Variants in CREB3L2 observed in about 807,000 individuals in gnomAD.
CREB3L2 encodes cyclic AMP-responsive element-binding protein 3-like protein 2.
A neutral mutation model predicts 57.2 loss-of-function variants in CREB3L2; 23 were observed. The observed-to-expected ratio is 0.40, with a 90% CI of 0.29 to 0.57. The LOEUF (loss-of-function observed/expected upper bound fraction) is 0.57. Ranked by LOEUF, CREB3L2 falls within the 20% of genes least tolerant of loss-of-function variation. The pLI is 0.42. For missense variants in CREB3L2, 628 were observed against 634.7 expected, an observed-to-expected ratio of 0.99 and a Z score of 0.11; for synonymous variants, 268 against 265.1, an observed-to-expected ratio of 1.01 and a Z score of -0.11.
intron 1 of CREB3L2, chr7:137,953,265 T>C: frequency 1.4e-5 from 5 of 361,196 alleles, no homozygotes; most frequent in Non-Finnish European, 2.7e-5. Flanking sequence ...TTATGTTAAG[T>C]GGGATTAGCT....
Position 137,877,531 on chromosome 7 carries a change from G to A in CREB3L2, c.*2945C>T, listed in dbSNP as rs1799185446. The A allele has an allele frequency of 8.8e-6, 2 of 226,180 alleles. No individual in the cohort carries two copies. Among genetic ancestry groups the A allele is most frequent in the Non-Finnish European group, 1.8e-5 (2 of 113,788 alleles). 14.0% of individuals were successfully genotyped at this position (226,180 alleles called of 1,614,324 possible). On this transcript the variant is annotated 3_prime_UTR_variant, in exon 12 of 12. Transcript: ENST00000330387. ...GAAAAGAACCACGGTGGGGGGTCTGGGTTACTCAGGTCTTATCCAGTGAAA... is the reference window on the plus strand; with the variant it reads ...GAAAAGAACCACGGTGGGGGGTCTGAGTTACTCAGGTCTTATCCAGTGAAA...
intron 1 of CREB3L2, among the ~76,000 whole-genome samples, chr7:137,954,296 A>G (rs1473762514): frequency 6.6e-6 from 1 of 152,132 alleles, no homozygotes; most frequent in Non-Finnish European, 1.5e-5. Flanking sequence ...CTGAAAAAGA[A>G]AGACTAGTAA....
At chr7:137,931,611 C>T (rs1248642386) in intron 1 of CREB3L2, among the ~76,000 whole-genome samples, 1 of 150,716 alleles carries the variant, frequency 6.6e-6, no homozygotes, top group Non-Finnish European at 1.5e-5. Context: ...GAAGGTGGAT[C>T]GCTTGAGGTC....
chr7:137,918,438 C>T (rs948426606), intron 2 of CREB3L2, among the ~76,000 whole-genome samples: 1 of 152,066 alleles, frequency 6.6e-6, no homozygotes, highest in African/African-American at 2.4e-5. Flanking sequence ...TGATCGGCCT[C>T]CCAAAGTGCT....
At chr7:137,897,947 C>A (rs1163046901) in intron 8 of CREB3L2, among the ~76,000 whole-genome samples, 1 of 151,878 alleles carries the variant, frequency 6.6e-6, no homozygotes, top group African/African-American at 2.4e-5. Context: ...TGCACAACAA[C>A]AACAAAAATT....
At chr7:137,922,437 CGTATATATATATAT>C (rs1563253401) in intron 2 of CREB3L2, among the ~76,000 whole-genome samples, 1,135 of 98,818 alleles carry the variant, frequency 0.011, 57 homozygotes, top group African/African-American at 0.067. Flanking sequence ...TATATATATA[CGTATATATATATAT>C]ATACACACAT....
chr7:137,914,605 TG>T (rs1563250248), intron 3 of CREB3L2, among the ~76,000 whole-genome samples: 1 of 152,030 alleles, frequency 6.6e-6, no homozygotes, highest in African/African-American at 2.4e-5. Context: ...CACTCCAGCT[TG>T]GGTGACAGAA....
At position 137,928,291 on chromosome 7, in the gene CREB3L2, TCTC is replaced by T; in HGVS notation, c.175_177del (p.Glu59del). 6.2e-7 allele frequency: 1 copy of T among 1,614,160 alleles called. No individual in the cohort carries two copies. The highest frequency in any genetic ancestry group is 8.5e-7 in the Non-Finnish European group (1 of 1,180,030). ...GGTTCCACCTCCATTGACACACTCTTCTCTGAGAGGAAAGGATCATTCAGGAGC... is the reference window on the plus strand; with the variant it reads ...GGTTCCACCTCCATTGACACACTCTTTGAGAGGAAAGGATCATTCAGGAGC... On this transcript the variant is annotated inframe_deletion, in exon 2 of 12. Transcript: ENST00000330387.
chr7:137,892,228 G>T (rs568753368), intron 8 of CREB3L2, among the ~76,000 whole-genome samples: 47 of 152,124 alleles, frequency 3.1e-4, no homozygotes, highest in Non-Finnish European at 6.2e-4. Context: ...TATTAGTGAG[G>T]TGTATGATGT....
chr7:137,919,976 A>T (rs1171802021), intron 2 of CREB3L2, among the ~76,000 whole-genome samples: 2 of 152,210 alleles, frequency 1.3e-5, no homozygotes, highest in South Asian at 4.1e-4. Context: ...TTGGATGAAC[A>T]CACAGGGACA....
At chr7:137,966,318 C>T (rs1042751918) in intron 1 of CREB3L2, among the ~76,000 whole-genome samples, 12 of 152,008 alleles carry the variant, frequency 7.9e-5, no homozygotes, top group Admixed American at 2.6e-4. Flanking sequence ...AAATTATGTC[C>T]AATAAGTTTG....
chr7:137,972,437 CAAACAAAACA>C (rs58799428), intron 1 of CREB3L2, among the ~76,000 whole-genome samples: 9,097 of 151,546 alleles, frequency 0.06, 489 homozygotes, highest in African/African-American at 0.14. Context: ...GACTCCATCT[CAAACAAAACA>C]AAACAAAACA....
intron 5 of CREB3L2, among the ~76,000 whole-genome samples, chr7:137,906,857 C>T (rs1478624235): frequency 6.6e-6 from 1 of 152,224 alleles, no homozygotes; most frequent in Non-Finnish European, 1.5e-5. Context: ...TGCTCCTCCT[C>T]GCCTTCCACC....
At chr7:137,884,652 C>G (rs1799371467) in intron 10 of CREB3L2, 3 of 572,780 alleles carry the variant, frequency 5.2e-6, no homozygotes, top group African/African-American at 1.9e-5. Flanking sequence ...CACAGCAGTT[C>G]TCTTAAAACG....
chr7:137,915,462 T>G (rs113928415), intron 3 of CREB3L2, among the ~76,000 whole-genome samples: 11 of 152,294 alleles, frequency 7.2e-5, no homozygotes, highest in African/African-American at 2.4e-4. Flanking sequence ...ACATTCCCAG[T>G]AGCCATGCAC....
At chr7:137,926,497 A>G (rs1458434165) in intron 2 of CREB3L2, among the ~76,000 whole-genome samples, 3 of 152,180 alleles carry the variant, frequency 2.0e-5, no homozygotes, top group Non-Finnish European at 4.4e-5. Flanking sequence ...CAGGACCCGC[A>G]TGTTCTCACT....
At chr7:137,901,656 G>A (rs548307337) in intron 7 of CREB3L2, among the ~76,000 whole-genome samples, 6 of 151,634 alleles carry the variant, frequency 4.0e-5, no homozygotes, top group Non-Finnish European at 5.9e-5. Context: ...CGAAGCAGGC[G>A]GATCACAAGG....
chr7:137,929,812 T>C (rs1315956095), intron 1 of CREB3L2, among the ~76,000 whole-genome samples: 2 of 149,482 alleles, frequency 1.3e-5, no homozygotes, highest in African/African-American at 2.4e-5. Context: ...GAGCTTGCAG[T>C]GAGCCAAGAT....
At chr7:137,902,589 G>A (rs1176467812) in intron 7 of CREB3L2, among the ~76,000 whole-genome samples, 1 of 152,160 alleles carries the variant, frequency 6.6e-6, no homozygotes, top group African/African-American at 2.4e-5. Context: ...GGGGGGATTA[G>A]TTCCAGAACT....
Sources: allele counts gnomAD v4.1 joint callset (sites outside exome capture counted in the v4.1 genomes callset), GRCh38; gene constraint gnomAD v4.1.1; transcripts MANE v1.5; gene names NCBI Gene and HGNC (gene_info 2026-07-23, HGNC 2026-07-21).